Variants in ZPBP observed in about 807,000 individuals in gnomAD.
ZPBP encodes the protein zona pellucida-binding protein 1.
Under a neutral mutation model 44.8 loss-of-function variants are expected in ZPBP, and 26 were observed. That is an observed-to-expected ratio of 0.58 (90% confidence interval 0.43 to 0.81). The LOEUF is 0.81. Ranked by LOEUF, ZPBP falls within the 30% of genes least tolerant of loss-of-function variation. The probability of loss-of-function intolerance (pLI) is 0.00; values close to 1 mark genes in which losing one functional copy is unlikely to be tolerated. For missense variants in ZPBP, 409 were observed against 434.0 expected (o/e 0.94, Z 0.51); for synonymous variants, 174 against 153.2 (o/e 1.14, Z -1.00).
At chr7:50,024,870 T>C (rs1473489340) in intron 5 of ZPBP, among the ~76,000 whole-genome samples, 1 of 151,936 alleles carries the variant, frequency 6.6e-6, no homozygotes, top group Non-Finnish European at 1.5e-5. Context: ...AAAAGAAAGA[T>C]AATGATGTGA....
the ZPBP span, among the ~76,000 whole-genome samples, chr7:49,841,928 G>A: frequency 1.3e-5 from 2 of 151,798 alleles, no homozygotes; most frequent in African/African-American, 4.8e-5. Context: ...GTGCAATGGC[G>A]TGATCTCAGC....
intron 7 of ZPBP, among the ~76,000 whole-genome samples, chr7:49,938,012 G>C (rs1201694513): frequency 6.6e-6 from 1 of 152,174 alleles, no homozygotes; most frequent in African/African-American, 2.4e-5. Flanking sequence ...TTGATGACCT[G>C]ACAGGAAGCA....
intron 7 of ZPBP, among the ~76,000 whole-genome samples, chr7:49,975,066 C>A (rs1337588252): frequency 6.6e-6 from 1 of 152,106 alleles, no homozygotes; most frequent in Non-Finnish European, 1.5e-5. Flanking sequence ...AGTTAAGTCA[C>A]AAGCAGTTTG....
At chr7:49,925,899 C>T (rs1353607942) in intron 1 of ZPBP, among the ~76,000 whole-genome samples, 1 of 152,212 alleles carries the variant, frequency 6.6e-6, no homozygotes, top group Admixed American at 6.5e-5. Context: ...GGTTTTTCCT[C>T]ATGTTGAGCT....
chr7:49,964,129 T>C (rs1795967894), intron 7 of ZPBP, among the ~76,000 whole-genome samples: 1 of 151,874 alleles, frequency 6.6e-6, no homozygotes, highest in African/African-American at 2.4e-5. Context: ...AAACTAAGAA[T>C]AAGTAGGAAT....
the ZPBP span, among the ~76,000 whole-genome samples, chr7:49,844,813 T>A: frequency 1.3e-5 from 2 of 152,062 alleles, no homozygotes; most frequent in Non-Finnish European, 2.9e-5. Flanking sequence ...CTGTCTCAGC[T>A]TCCTGAGTAG....
At chr7:49,849,805 T>G (rs532404791), downstream of ZPBP, among the ~76,000 whole-genome samples, 3 of 151,980 alleles carry the variant, frequency 2.0e-5, no homozygotes, top group South Asian at 6.3e-4. Context: ...TCTAACCAAG[T>G]CTTGGGGTAG....
chr7:49,972,585 A>G (rs944596470), intron 7 of ZPBP, among the ~76,000 whole-genome samples: 2 of 152,078 alleles, frequency 1.3e-5, no homozygotes, highest in African/African-American at 2.4e-5. Flanking sequence ...AAATTAACTC[A>G]TAAATAACTG....
At chr7:49,938,363 T>C (rs1046166347) in intron 7 of ZPBP, among the ~76,000 whole-genome samples, 3 of 152,202 alleles carry the variant, frequency 2.0e-5, no homozygotes, top group African/African-American at 7.2e-5. Context: ...AATGAAATCA[T>C]GAATTTGATT....
At chr7:49,879,491 T>G (rs1791581575) in intron 2 of ZPBP, among the ~76,000 whole-genome samples, 1 of 152,132 alleles carries the variant, frequency 6.6e-6, no homozygotes, top group South Asian at 2.1e-4. Flanking sequence ...AAGCATGGCA[T>G]ATAATAGAAT....
intron 3 of ZPBP, among the ~76,000 whole-genome samples, chr7:50,067,631 G>C (rs1801587132): frequency 1.3e-5 from 2 of 152,098 alleles, no homozygotes; most frequent in Non-Finnish European, 2.9e-5. Flanking sequence ...AATCTCTTCG[G>C]CTTGAGAACA....
In ZPBP at chr7:50,001,078, C is replaced by T. The variant is rs554118925; in HGVS notation, c.783+17162G>A. ...GGCCCTTGGCAGAAACCAACCCTGC[C>T]AACACCCTGATCGTGCTCTTCTAGC... On this transcript the variant is annotated intron_variant, in intron 6 of 7. Transcript: ENST00000046087. Among the ~76,000 whole-genome samples the T allele has an allele frequency of 1.9e-3, 285 of 152,262 alleles. 2 individuals are homozygous for T. Among genetic ancestry groups the T allele is most frequent in the Middle Eastern group, 6.8e-3 (2 of 294 alleles).
chr7:49,966,793 G>A (rs1031249029), intron 7 of ZPBP, among the ~76,000 whole-genome samples: 6 of 152,076 alleles, frequency 3.9e-5, no homozygotes, highest in Admixed American at 3.9e-4. Flanking sequence ...CACAGATCTA[G>A]TCAAACATCC....
intron 5 of ZPBP, among the ~76,000 whole-genome samples, chr7:50,029,642 T>G (rs1799502295): frequency 6.6e-6 from 1 of 152,144 alleles, no homozygotes; most frequent in Non-Finnish European, 1.5e-5. Flanking sequence ...CACAACCAAA[T>G]TTTAAATTGA....
chr7:49,992,400 G>T (rs561713721), intron 6 of ZPBP, among the ~76,000 whole-genome samples: 1 of 152,048 alleles, frequency 6.6e-6, no homozygotes, highest in East Asian at 1.9e-4. Context: ...TGAAAAGAGA[G>T]GAAACACATT....
At chr7:49,907,680 T>A (rs6583396) in intron 1 of ZPBP, among the ~76,000 whole-genome samples, 112,062 of 152,138 alleles carry the variant, frequency 0.74, 41,485 homozygotes, top group East Asian at 0.89. Flanking sequence ...AATCAATACA[T>A]GTAATGTATA....
intron 1 of ZPBP, among the ~76,000 whole-genome samples, chr7:49,930,694 A>C: frequency 6.6e-6 from 1 of 152,234 alleles, no homozygotes; most frequent in East Asian, 1.9e-4. Flanking sequence ...AGAAGATTAG[A>C]AATACCTAAA....
chr7:50,061,029 T>C (rs551440657), intron 3 of ZPBP, among the ~76,000 whole-genome samples: 7 of 152,302 alleles, frequency 4.6e-5, no homozygotes, highest in Non-Finnish European at 7.3e-5. Flanking sequence ...ATAAATTTGA[T>C]TCATCACAGA....
intron 7 of ZPBP, among the ~76,000 whole-genome samples, chr7:49,958,786 T>C (rs1169169488): frequency 6.6e-6 from 1 of 152,222 alleles, no homozygotes; most frequent in Non-Finnish European, 1.5e-5. Flanking sequence ...TGAATTCCAT[T>C]AAATATCGGA....
Sources: gnomAD v4.1 joint callset for allele counts (sites outside exome capture counted in the v4.1 genomes callset) on GRCh38, gnomAD v4.1.1 for gene constraint, MANE v1.5 for transcripts, NCBI Gene and HGNC (gene_info 2026-07-23, HGNC 2026-07-21) for gene names.